UXS1: variants seen among roughly 807,000 people sequenced by gnomAD.
UXS1 encodes the protein UDP-glucuronic acid decarboxylase 1.
In UXS1, 33 loss-of-function variants were observed where a neutral mutation model predicts 62.6. That is an observed-to-expected ratio of 0.53 (90% CI 0.40 to 0.70). UXS1 has a LOEUF of 0.70. Ranked by LOEUF, UXS1 falls within the 30% of genes least tolerant of loss-of-function variation. The probability of loss-of-function intolerance (pLI) is 0.00; values close to 1 mark genes in which losing one functional copy is unlikely to be tolerated. For synonymous variants in UXS1, 213 were observed against 206.8 expected (o/e 1.03, Z -0.26); for missense variants, 434 against 556.3 (o/e 0.78, Z 2.21).
intron 1 of UXS1, among the ~76,000 whole-genome samples, chr2:106,186,432 C>A (rs917981359): frequency 6.9e-6 from 1 of 144,798 alleles, no homozygotes; most frequent in Non-Finnish European, 1.5e-5. Flanking sequence ...AGGAAAACTG[C>A]TCTGGGCTTT....
Position 106,112,631 on chromosome 2 carries a change from G to C in UXS1, c.879+15C>G. On this transcript the variant is annotated intron_variant, in intron 10 of 14. Transcript: ENST00000283148. ...TGGGTTGCAAGGTGCTCCCTGAGCC[G>C]AGGCCAGCACCTACCGTGAGTGGCT... 1 of 1,613,258 alleles carries C rather than the reference G, an allele frequency of 6.2e-7. No individual in the cohort carries two copies. Among genetic ancestry groups the C allele is most frequent in the South Asian group, 1.1e-5 (1 of 90,868 alleles).
At chr2:106,120,326 T>G (rs1427809293) in intron 9 of UXS1, among the ~76,000 whole-genome samples, 1 of 152,058 alleles carries the variant, frequency 6.6e-6, no homozygotes, top group African/African-American at 2.4e-5. Context: ...TACAACCTCC[T>G]CCTGTCTGCC....
chr2:106,144,260 A>G (rs1681377968), intron 6 of UXS1, among the ~76,000 whole-genome samples: 1 of 152,260 alleles, frequency 6.6e-6, no homozygotes, highest in African/African-American at 2.4e-5. Flanking sequence ...TAAACAGATT[A>G]CATAATTAAA....
Position 106,121,270 on chromosome 2 carries a change from C to T in UXS1, c.759+1700G>A, listed in dbSNP as rs1679494507. ...GTGCTGCTTCTATTATTGCCAAATA[C>T]CATAATTATCGCAAGCTTATACTTA... On this transcript the variant is annotated intron_variant, in intron 9 of 14. Transcript: ENST00000283148. 2.0e-5 allele frequency among the ~76,000 whole-genome samples: 3 copies of T among 152,260 alleles called. No homozygotes were observed. In the South Asian group the frequency reaches 6.2e-4, roughly 32 times the overall value.
At chr2:106,160,213 C>CA (rs1491535007) in intron 4 of UXS1, 1 of 152,252 alleles carries the variant, frequency 6.6e-6, no homozygotes, top group Non-Finnish European at 1.5e-5. Context: ...CTGTAAATCT[C>CA]AGAGTTATTT....
At position 106,096,934 on chromosome 2, in the gene UXS1, C is replaced by A. The variant is rs1008346472; in HGVS notation, c.1043-113G>T. 3.8e-6 allele frequency: 4 copies of A among 1,052,820 alleles called. No individual in the cohort carries two copies. In the East Asian group the frequency reaches 1.0e-4, roughly 27 times the overall value. The allele number at this position is 1,052,820 out of a possible 1,614,324, so 65.2% of individuals were successfully genotyped here. A position where few individuals can be genotyped will look rare whatever the true frequency, so the allele number is the denominator to read the frequency against. ...ATATGTGGTGTGAATAGGGTGCAGG[C>A]GGTGGAAATGCAGTTCTCTGAGAAG... On this transcript the variant is annotated intron_variant, in intron 13 of 14. Transcript: ENST00000283148.
intron 1 of UXS1, among the ~76,000 whole-genome samples, chr2:106,181,482 G>C (rs1258286743): frequency 6.6e-6 from 1 of 152,190 alleles, no homozygotes; most frequent in Admixed American, 6.5e-5. Context: ...ACTTTGGGAG[G>C]TCAAGACGGG....
At chr2:106,150,754 G>A (rs1319664953) in intron 5 of UXS1, among the ~76,000 whole-genome samples, 1 of 152,190 alleles carries the variant, frequency 6.6e-6, no homozygotes, top group Non-Finnish European at 1.5e-5. Context: ...CTGCCACAAA[G>A]ACTCCGGAAC....
intron 7 of UXS1, among the ~76,000 whole-genome samples, chr2:106,125,961 G>A (rs1679906610): frequency 6.6e-6 from 1 of 152,182 alleles, no homozygotes; most frequent in Admixed American, 6.5e-5. Context: ...GGAGTTTCGT[G>A]AAGACTCCTC....
At chr2:106,139,532 A>G (rs1558714596) in intron 6 of UXS1, among the ~76,000 whole-genome samples, 1 of 152,210 alleles carries the variant, frequency 6.6e-6, no homozygotes, top group Non-Finnish European at 1.5e-5. Context: ...ACACATACAT[A>G]GGGAAGAAAA....
At chr2:106,107,564 C>A (rs901626489) in intron 10 of UXS1, among the ~76,000 whole-genome samples, 1 of 152,228 alleles carries the variant, frequency 6.6e-6, no homozygotes, top group African/African-American at 2.4e-5. Flanking sequence ...TGAAGAACCA[C>A]GCCAGGTACC....
At chr2:106,152,585 G>GAAAGA (rs1262482303) in intron 5 of UXS1, among the ~76,000 whole-genome samples, 1 of 148,566 alleles carries the variant, frequency 6.7e-6, no homozygotes, top group Non-Finnish European at 1.5e-5. Flanking sequence ...GGAAAGGAAA[G>GAAAGA]AAAGAAAAGA....
chr2:106,114,271 G>C (rs1005783186), intron 9 of UXS1, among the ~76,000 whole-genome samples: 28 of 152,212 alleles, frequency 1.8e-4, no homozygotes, highest in Non-Finnish European at 3.4e-4. Context: ...TGCTTTATTT[G>C]TGCTAATTCT....
At chr2:106,128,015 T>C (rs531680318) in intron 7 of UXS1, among the ~76,000 whole-genome samples, 1 of 152,080 alleles carries the variant, frequency 6.6e-6, no homozygotes, top group Admixed American at 6.5e-5. Context: ...AGCCTGAGGG[T>C]AACCCCATCT....
At chr2:106,104,038 C>T (rs1031876625) in intron 11 of UXS1, among the ~76,000 whole-genome samples, 1 of 152,164 alleles carries the variant, frequency 6.6e-6, no homozygotes, top group Non-Finnish European at 1.5e-5. Context: ...ATAACACTTC[C>T]TGATTGACAG....
At chr2:106,123,117 T>C in intron 8 of UXS1, 26 bp from the exon 9 acceptor site, 1 of 1,612,718 alleles carries the variant, frequency 6.2e-7, no homozygotes. Flanking sequence ...AGTGAGACTG[T>C]TTTCATCTTT....
intron 1 of UXS1, among the ~76,000 whole-genome samples, chr2:106,193,344 A>G (rs1237011423): frequency 2.0e-5 from 3 of 152,166 alleles, no homozygotes; most frequent in Non-Finnish European, 4.4e-5. Flanking sequence ...AATAGCATCA[A>G]TTAAAACATT....
chr2:106,174,053 C>T (rs1337150668), intron 1 of UXS1, among the ~76,000 whole-genome samples: 6 of 119,332 alleles, frequency 5.0e-5, no homozygotes, highest in African/African-American at 9.7e-5. Context: ...GGATGACTTA[C>T]GGACGGAGAA....
chr2:106,100,980 A>G (rs1197230503), intron 12 of UXS1, 78 bp downstream of exon 12: 1 of 1,562,248 alleles, frequency 6.4e-7, no homozygotes, highest in South Asian at 1.1e-5. Context: ...AATGAAGCAA[A>G]GCCTGGTGCT....
Sources: allele counts gnomAD v4.1 joint callset (sites outside exome capture counted in the v4.1 genomes callset), GRCh38; gene constraint gnomAD v4.1.1; transcripts MANE v1.5; gene names NCBI Gene and HGNC (gene_info 2026-07-23, HGNC 2026-07-21).